CDH18: variants seen among roughly 807,000 people sequenced by gnomAD.
The protein encoded by CDH18 is cadherin-18.
Under a neutral mutation model 67.9 loss-of-function variants are expected in CDH18, and 31 were observed. The ratio of observed to expected loss-of-function variants is 0.46; its 90% confidence interval spans 0.34 to 0.62. The LOEUF is 0.62. CDH18 is among the 20% of genes least tolerant of loss of function. CDH18 has a pLI of 0.01. For synonymous variants in CDH18, 362 were observed against 347.2 expected (o/e 1.04, Z -0.48); for missense variants, 890 against 975.5 (o/e 0.91, Z 1.17).
intron 1 of CDH18, among the ~76,000 whole-genome samples, chr5:20,486,681 G>GTATATATATA (rs750113034): frequency 1.8e-4 from 22 of 122,618 alleles, no homozygotes; most frequent in Non-Finnish European, 2.5e-4. Flanking sequence ...TGCTATTTTT[G>GTATATATATA]TATATATATA....
At chr5:20,480,215 G>A (rs1752697452) in intron 1 of CDH18, among the ~76,000 whole-genome samples, 1 of 152,138 alleles carries the variant, frequency 6.6e-6, no homozygotes, top group Admixed American at 6.5e-5. Context: ...ACTGGCAATA[G>A]TAAGTACACA....
intron 2 of CDH18, among the ~76,000 whole-genome samples, chr5:20,214,207 C>CA (rs1442863779): frequency 6.6e-6 from 1 of 151,734 alleles, no homozygotes; most frequent in Non-Finnish European, 1.5e-5. Flanking sequence ...AATAAGTAGA[C>CA]AAAAATATAT....
chr5:20,127,257 C>T (rs1748913078), intron 2 of CDH18, among the ~76,000 whole-genome samples: 1 of 151,520 alleles, frequency 6.6e-6, no homozygotes, highest in Non-Finnish European at 1.5e-5. Context: ...TGTTTACTTC[C>T]CCTTAGCCTT....
At chr5:19,506,415 G>T (rs1744171298) in intron 10 of CDH18, among the ~76,000 whole-genome samples, 1 of 152,018 alleles carries the variant, frequency 6.6e-6, no homozygotes, top group African/African-American at 2.4e-5. Context: ...CTACTTTAAA[G>T]TTCATATGGA....
intron 5 of CDH18, among the ~76,000 whole-genome samples, chr5:19,634,997 T>G (rs776065587): frequency 6.6e-6 from 1 of 151,680 alleles, no homozygotes; most frequent in Non-Finnish European, 1.5e-5. Flanking sequence ...ATAATTTTTA[T>G]AGTGGTTTAA....
rs183488520 is a variant in CDH18, at chr5:20,385,874, T to A, written c.-579-130369A>T. ...AATTTTCACTATTTATATTTTTAGTTAAATTTGTGTTTTACTTCTAATGAT... is the reference window on the plus strand; with the variant it reads ...AATTTTCACTATTTATATTTTTAGTAAAATTTGTGTTTTACTTCTAATGAT... On this transcript the variant is annotated intron_variant, in intron 1 of 14. Coordinates refer to the CDH18 transcript ENST00000507958. 2.4e-3 allele frequency among the ~76,000 whole-genome samples: 362 copies of A among 152,348 alleles called. 5 individuals carry two copies. The South Asian group carries it at 0.042, about 18-fold the overall frequency.
intron 2 of CDH18, among the ~76,000 whole-genome samples, chr5:19,895,785 T>C (rs1407189705): frequency 6.6e-6 from 1 of 152,146 alleles, no homozygotes; most frequent in Non-Finnish European, 1.5e-5. Context: ...TGACTTTACT[T>C]ATATAACATG....
At chr5:20,489,701 A>T (rs1753468683) in intron 1 of CDH18, among the ~76,000 whole-genome samples, 1 of 152,114 alleles carries the variant, frequency 6.6e-6, no homozygotes, top group South Asian at 2.1e-4. Flanking sequence ...AAAGAAAATC[A>T]TAATCTTTTT....
chr5:19,790,177 T>C (rs1389461261), intron 3 of CDH18, among the ~76,000 whole-genome samples: 2 of 152,148 alleles, frequency 1.3e-5, no homozygotes. Flanking sequence ...GACTTTTTTA[T>C]GCTTCTCTCT....
rs550311636 is a variant in CDH18 at position 20,047,540 on chromosome 5, T to A, written c.-517-55526A>T. 3.9e-5 allele frequency among the ~76,000 whole-genome samples: 6 copies of A among 151,906 alleles called. No individual in the cohort carries two copies. The South Asian group carries it at 1.2e-3, about 31-fold the overall frequency. On this transcript the variant is annotated intron_variant, in intron 2 of 14. Transcript: ENST00000507958. ...TCAGAAACAAAGGTTTGCATTCTTATTAACCCAAATGCATAATTCTATTTA... is the reference window on the plus strand; with the variant it reads ...TCAGAAACAAAGGTTTGCATTCTTAATAACCCAAATGCATAATTCTATTTA...
intron 1 of CDH18, among the ~76,000 whole-genome samples, chr5:20,371,997 CT>C (rs1359890019): frequency 6.6e-6 from 1 of 152,172 alleles, no homozygotes; most frequent in African/African-American, 2.4e-5. Context: ...CTTTCCATGC[CT>C]TATCCACTTA....
chr5:20,473,073 C>T (rs1752198033), intron 1 of CDH18, among the ~76,000 whole-genome samples: 1 of 152,018 alleles, frequency 6.6e-6, no homozygotes, highest in Non-Finnish European at 1.5e-5. Context: ...GGAATATAAA[C>T]ATGAATGTAC....
At position 19,473,246 on chromosome 5, in the gene CDH18, C is replaced by T. The variant is rs149640304; in HGVS notation, c.2353G>A (p.Glu785Lys). Reference protein sequence around the residue: ...KKLAELYGEIESERTT With the variant: ...KKLAELYGEIKSERTT Reference sequence around the variant, plus strand: ...ACCCCCTAAGTTGTTCTTTCAGATTCTATTTCTCCATAGAGTTCAGCTAAC... The same window carrying T: ...ACCCCCTAAGTTGTTCTTTCAGATTTTATTTCTCCATAGAGTTCAGCTAAC... Residue 785 changes from glutamate to lysine, a missense_variant, in exon 13 of 13, where the codon GAA becomes AAA. This residue lies in a region of CDH18 where 656 missense variants were observed against 668.1 expected (regional missense o/e 0.98). Coordinates refer to ENST00000382275, the MANE Select transcript of CDH18 (RefSeq NM_004934.5). 1 of 1,613,414 alleles carries T rather than the reference C, an allele frequency of 6.2e-7. No individual in the cohort carries two copies. The highest frequency in any genetic ancestry group is 1.1e-5 in the South Asian group (1 of 91,056).
At chr5:19,910,218 A>T (rs574247973) in intron 2 of CDH18, among the ~76,000 whole-genome samples, 19 of 152,328 alleles carry the variant, frequency 1.2e-4, no homozygotes, top group Admixed American at 3.3e-4. Context: ...GAGAATATAC[A>T]ATATATTATG....
chr5:20,087,253 A>C (rs1414356514), intron 2 of CDH18, among the ~76,000 whole-genome samples: 1 of 152,164 alleles, frequency 6.6e-6, no homozygotes, highest in Non-Finnish European at 1.5e-5. Context: ...TAGGAGTTGC[A>C]TAACATGGAA....
intron 11 of CDH18, 23 bp downstream of exon 11, chr5:19,502,969 C>T: frequency 1.5e-6 from 2 of 1,317,634 alleles, no homozygotes; most frequent in South Asian, 1.2e-5. Context: ...CATAGATAAA[C>T]AAATATGTGT....
At chr5:20,387,070 T>G (rs917537734) in intron 1 of CDH18, among the ~76,000 whole-genome samples, 7 of 152,176 alleles carry the variant, frequency 4.6e-5, no homozygotes, top group Non-Finnish European at 1.0e-4. Context: ...AGAGTAAATA[T>G]CTTCAGCTTT....
At chr5:20,238,067 TAACA>T (rs1438130616) in intron 2 of CDH18, among the ~76,000 whole-genome samples, 3 of 151,958 alleles carry the variant, frequency 2.0e-5, no homozygotes, top group African/African-American at 7.2e-5. Flanking sequence ...GTAATCATTG[TAACA>T]AACAATTCTA....
chr5:19,564,464 G>T (rs347712), intron 8 of CDH18, among the ~76,000 whole-genome samples: 12,780 of 152,130 alleles, frequency 0.084, 663 homozygotes, highest in African/African-American at 0.14. Context: ...ATACACCTGG[G>T]CCAGAAGGGA....
Sources: gnomAD v4.1 joint callset for allele counts (sites outside exome capture counted in the v4.1 genomes callset) on GRCh38, gnomAD v4.1.1 for gene constraint, gnomAD v4.1.1 regional missense constraint, MANE v1.5 for transcripts, NCBI Gene and HGNC (gene_info 2026-07-23, HGNC 2026-07-21) for gene names.